Variants in LRMDA observed in about 807,000 individuals in gnomAD.
LRMDA encodes the protein leucine rich melanocyte differentiation associated, also known as leucine-rich melanocyte differentiation-associated protein.
A neutral mutation model predicts 29.8 loss-of-function variants in LRMDA; 18 were observed. The observed-to-expected ratio is 0.60, with a 90% CI of 0.42 to 0.90. LRMDA has a LOEUF of 0.90. Ranked by LOEUF, LRMDA falls within the 40% of genes least tolerant of loss-of-function variation. LRMDA has a pLI of 0.00. For synonymous variants in LRMDA, 125 were observed against 109.4 expected (o/e 1.14, Z -0.89); for missense variants, 273 against 273.9 (o/e 1.00, Z 0.02).
At chr10:75,851,106 T>A (rs538428733) in intron 2 of LRMDA, among the ~76,000 whole-genome samples, 2 of 152,328 alleles carry the variant, frequency 1.3e-5, no homozygotes, top group South Asian at 4.1e-4. Context: ...GACTTAATTT[T>A]CTCTTGTTTA....
intron 2 of LRMDA, among the ~76,000 whole-genome samples, chr10:75,728,894 G>A (rs979051899): frequency 6.6e-6 from 1 of 152,096 alleles, no homozygotes; most frequent in Non-Finnish European, 1.5e-5. Flanking sequence ...CCTGCCCGTG[G>A]CACAGTAGCC....
chr10:75,982,397 G>A (rs1297395652), intron 2 of LRMDA, among the ~76,000 whole-genome samples: 1 of 152,132 alleles, frequency 6.6e-6, no homozygotes, highest in East Asian at 1.9e-4. Flanking sequence ...GCCTTGCAGG[G>A]TAATGCCAGT....
At chr10:76,197,776 C>T (rs112447395) in intron 5 of LRMDA, among the ~76,000 whole-genome samples, 4,503 of 151,988 alleles carry the variant, frequency 0.03, 90 homozygotes, top group South Asian at 0.079. Context: ...AAAAATTAGC[C>T]GGGCATGATG....
At chr10:76,056,434 A>G (rs1848615717) in intron 4 of LRMDA, among the ~76,000 whole-genome samples, 1 of 152,180 alleles carries the variant, frequency 6.6e-6, no homozygotes, top group Non-Finnish European at 1.5e-5. Flanking sequence ...CTTTCCACCT[A>G]GGAGCCTGTC....
At chr10:75,458,508 G>C (rs1844547115) in intron 2 of LRMDA, among the ~76,000 whole-genome samples, 1 of 152,112 alleles carries the variant, frequency 6.6e-6, no homozygotes, top group Non-Finnish European at 1.5e-5. Context: ...AAATAAACAT[G>C]ATGATTATTA....
At chr10:75,749,958 A>AT (rs1842934797) in intron 2 of LRMDA, among the ~76,000 whole-genome samples, 1 of 152,204 alleles carries the variant, frequency 6.6e-6, no homozygotes, top group South Asian at 2.1e-4. Context: ...AAGATTATAG[A>AT]TTAACAGCAT....
intron 5 of LRMDA, among the ~76,000 whole-genome samples, chr10:76,173,130 A>C (rs543998385): frequency 6.6e-6 from 1 of 152,324 alleles, no homozygotes; most frequent in African/African-American, 2.4e-5. Context: ...CTAGACCAAA[A>C]GCACTCTAGG....
At chr10:76,045,947 C>T (rs1477558463) in intron 3 of LRMDA, among the ~76,000 whole-genome samples, 1 of 152,208 alleles carries the variant, frequency 6.6e-6, no homozygotes, top group African/African-American at 2.4e-5. Context: ...AGATAACATC[C>T]TCACAGAGCA....
At chr10:75,750,125 T>A (rs1056218739) in intron 2 of LRMDA, among the ~76,000 whole-genome samples, 21 of 152,246 alleles carry the variant, frequency 1.4e-4, no homozygotes, top group Non-Finnish European at 8.8e-5. Flanking sequence ...CATGGCCTGT[T>A]CTCAATGAGC....
chr10:75,572,240 C>T (rs1483006410), intron 2 of LRMDA, among the ~76,000 whole-genome samples: 1 of 152,156 alleles, frequency 6.6e-6, no homozygotes, highest in African/African-American at 2.4e-5. Context: ...GCATGAGCCA[C>T]CGTGCCTGGA....
intron 6 of LRMDA, among the ~76,000 whole-genome samples, chr10:76,519,566 G>T (rs866883471): frequency 6.6e-6 from 1 of 152,160 alleles, no homozygotes; most frequent in South Asian, 2.1e-4. Context: ...TTTTGGTTTG[G>T]CTTGTTTTAA....
At position 75,623,298 on chromosome 10, in the gene LRMDA, C is replaced by T. The variant is rs191331738; in HGVS notation, c.131+184804C>T. Among the ~76,000 whole-genome samples the T allele has an allele frequency of 2.6e-5, 4 of 152,262 alleles. No homozygotes were observed. The East Asian group carries it at 5.8e-4, about 22-fold the overall frequency. On this transcript the variant is annotated intron_variant, in intron 2 of 6. Coordinates refer to ENST00000611255, the MANE Select transcript of LRMDA (RefSeq NM_001305581.2). ...TCTTCGTGGGCCCCTTGAAAGTGGG[C>T]TCTGCTCCCCTCCCTTTCCTGGAAT...
intron 2 of LRMDA, among the ~76,000 whole-genome samples, chr10:75,940,197 A>C (rs1233907091): frequency 6.6e-6 from 1 of 152,188 alleles, no homozygotes; most frequent in Non-Finnish European, 1.5e-5. Context: ...AATATAAACA[A>C]AATAGGGGCA....
intron 5 of LRMDA, among the ~76,000 whole-genome samples, chr10:76,231,118 A>G (rs1286367955): frequency 6.6e-6 from 1 of 152,180 alleles, no homozygotes; most frequent in East Asian, 1.9e-4. Context: ...GTGCTTAGAT[A>G]AAAAGCCATT....
Position 75,649,476 on chromosome 10 carries a change from G to A in LRMDA, c.131+210982G>A, listed in dbSNP as rs540277606. 5.9e-5 allele frequency among the ~76,000 whole-genome samples: 9 copies of A among 152,236 alleles called. No individual in the cohort carries two copies. In the South Asian group the frequency reaches 1.9e-3, roughly 32 times the overall value. Reference sequence around the variant, plus strand: ...TTGTGTATCTGTTCATATGTTGATAGGCATTTGGATTATTTCCAGTTTTTG... The same window carrying A: ...TTGTGTATCTGTTCATATGTTGATAAGCATTTGGATTATTTCCAGTTTTTG... On this transcript the variant is annotated intron_variant, in intron 2 of 6. Transcript: ENST00000611255.
intron 1 of LRMDA, among the ~76,000 whole-genome samples, chr10:75,433,303 C>T (rs903255526): frequency 6.6e-6 from 1 of 152,192 alleles, no homozygotes; most frequent in African/African-American, 2.4e-5. Context: ...TGCTCTTCCT[C>T]CGTTTCCTAG....
intron 6 of LRMDA, among the ~76,000 whole-genome samples, chr10:76,503,243 G>C (rs1842928854): frequency 6.6e-6 from 1 of 151,810 alleles, no homozygotes; most frequent in African/African-American, 2.4e-5. Flanking sequence ...CAGGAATAAA[G>C]CCTATTTGAT....
At chr10:76,553,852 G>A (rs1437303476) in intron 6 of LRMDA, among the ~76,000 whole-genome samples, 3 of 152,008 alleles carry the variant, frequency 2.0e-5, no homozygotes, top group Non-Finnish European at 2.9e-5. Flanking sequence ...CTCCCCGGGC[G>A]AGCACCAGCA....
At chr10:75,622,651 A>G (rs937214162) in intron 2 of LRMDA, among the ~76,000 whole-genome samples, 11 of 152,210 alleles carry the variant, frequency 7.2e-5, no homozygotes, top group Admixed American at 2.0e-4. Flanking sequence ...TCTATGTGAC[A>G]TTTATACCAA....
Sources: allele counts gnomAD v4.1 joint callset (sites outside exome capture counted in the v4.1 genomes callset), GRCh38; gene constraint gnomAD v4.1.1; transcripts MANE v1.5; gene names NCBI Gene and HGNC (gene_info 2026-07-23, HGNC 2026-07-21).